CDKL5: variants seen among roughly 807,000 people sequenced by gnomAD.
The protein encoded by CDKL5 is cyclin dependent kinase like 5.
CDKL5 carries 8 observed loss-of-function variants against 61.7 expected under a neutral mutation model. That is an observed-to-expected ratio of 0.13 (90% CI 0.08 to 0.23). The LOEUF is 0.23. CDKL5 is among the 10% of genes least tolerant of loss of function. The pLI, the probability that CDKL5 is intolerant of heterozygous loss-of-function variation, is 1.00. For missense variants in CDKL5, 440 were observed against 734.5 expected, an observed-to-expected ratio of 0.60 and a Z score of 4.63; for synonymous variants, 275 against 272.3, an observed-to-expected ratio of 1.01 and a Z score of -0.10.
intron 4 of CDKL5, among the ~76,000 whole-genome samples, chrX:18,565,260 T>C (rs779218390): frequency 3.6e-5 from 4 of 112,048 alleles, no homozygotes; most frequent in Non-Finnish European, 7.5e-5. Context: ...TTTCAGACTT[T>C]TTGGACTGAG....
At position 18,634,655 on chromosome X, in the gene CDKL5, G is replaced by A. The variant is rs555299036; in HGVS notation, c.*5898G>A. The A allele has an allele frequency of 1.3e-6, 1 of 751,500 alleles. No individual in the cohort carries two copies. The highest frequency in any genetic ancestry group is 2.3e-5 in the African/African-American group (1 of 42,886). The allele number at this position is 751,500 out of a possible 1,213,427, so 61.9% of individuals were successfully genotyped here. ...TTTCCCTCCCCTTGTTTACTCTTTG[G>A]TCACCGATCGAGTCAGGCTAGAGGG... is the stretch of plus-strand genomic sequence containing the variant. On this transcript the variant is annotated 3_prime_UTR_variant, in exon 18 of 18. Coordinates refer to ENST00000623535, the MANE Select transcript of CDKL5 (RefSeq NM_001323289.2).
intron 6 of CDKL5, among the ~76,000 whole-genome samples, chrX:18,580,378 A>G (rs1925439800): frequency 9.0e-6 from 1 of 111,584 alleles, no homozygotes; most frequent in Admixed American, 9.6e-5. Context: ...CAGGCTTTAT[A>G]TAGGTGGTTC....
intron 1 of CDKL5, among the ~76,000 whole-genome samples, chrX:18,487,492 C>A (rs1053474283): frequency 1.8e-5 from 2 of 112,768 alleles, no homozygotes; most frequent in Non-Finnish European, 3.8e-5. Flanking sequence ...AGAGACAAAG[C>A]CTCGCTGTGT....
At chrX:18,439,520 A>G (rs763303917) in intron 1 of CDKL5, among the ~76,000 whole-genome samples, 6 of 110,994 alleles carry the variant, frequency 5.4e-5, no homozygotes, top group Non-Finnish European at 9.4e-5. Context: ...CAAGTCACAC[A>G]AATTTTGTGG....
intron 3 of CDKL5, chrX:18,535,533 C>A (rs1381837515): frequency 8.9e-6 from 1 of 112,280 alleles, no homozygotes; most frequent in Non-Finnish European, 1.9e-5. Flanking sequence ...GAACGTGTAC[C>A]ATTGGTGTCA....
intron 1 of CDKL5, among the ~76,000 whole-genome samples, chrX:18,446,920 A>G (rs1215917443): frequency 8.9e-6 from 1 of 111,739 alleles, no homozygotes; most frequent in Admixed American, 9.6e-5. Flanking sequence ...AGGGGATGAG[A>G]TGCTTCTTCT....
intron 3 of CDKL5, among the ~76,000 whole-genome samples, chrX:18,550,205 A>G (rs1924338616): frequency 1.8e-5 from 2 of 111,767 alleles, no homozygotes; most frequent in African/African-American, 6.5e-5. Context: ...CCAAGAGAGC[A>G]CACCTGAGTC....
chrX:18,504,864 C>T (rs1922517816), intron 1 of CDKL5, among the ~76,000 whole-genome samples: 2 of 104,038 alleles, frequency 1.9e-5, no homozygotes, highest in Non-Finnish European at 3.9e-5. Flanking sequence ...ACCCGGGAGG[C>T]GGAGCTTGCA....
chrX:18,620,006 C>T (rs1346658856), intron 16 of CDKL5, 40 bp downstream of exon 16: 1 of 830,537 alleles, frequency 1.2e-6, no homozygotes, highest in Non-Finnish European at 1.8e-6. Flanking sequence ...TAACATGTTT[C>T]TGCATTATTC....
intron 3 of CDKL5, among the ~76,000 whole-genome samples, chrX:18,555,612 T>C (rs1054293526): frequency 2.7e-5 from 3 of 112,354 alleles, no homozygotes; most frequent in African/African-American, 9.7e-5. Context: ...TACATTTTTT[T>C]CTGTATATTT....
intron 3 of CDKL5, among the ~76,000 whole-genome samples, chrX:18,512,209 T>C (rs1313611345): frequency 8.9e-6 from 1 of 111,794 alleles, no homozygotes; most frequent in Non-Finnish European, 1.9e-5. Context: ...CTAGTCTGAG[T>C]ATTTGGCTTC....
chrX:18,525,523 T>C lies in CDKL5; in HGVS notation c.99+14669T>C, dbSNP rs767152239. Among the ~76,000 whole-genome samples, 163 of 111,574 alleles carry C rather than the reference T, an allele frequency of 1.5e-3. 2 individuals are homozygous for C. The highest frequency in any genetic ancestry group is 5.0e-3 in the African/African-American group (155 of 30,718). On this transcript the variant is annotated intron_variant, in intron 3 of 17. Transcript: ENST00000623535. ...TCTATTTTTCACCAATACCATATTG[T>C]CTTGATTACTGTAGTTTTGTGTTAT...
chrX:18,609,648 C>T, intron 14 of CDKL5, 78 bp downstream of exon 14: 1 of 1,179,337 alleles, frequency 8.5e-7, no homozygotes, highest in Non-Finnish European at 1.1e-6. Flanking sequence ...TTCACCGACT[C>T]AGGCCAGCGG....
intron 1 of CDKL5, among the ~76,000 whole-genome samples, chrX:18,441,864 G>A (rs1262199547): frequency 9.0e-6 from 1 of 110,731 alleles, no homozygotes; most frequent in Non-Finnish European, 1.9e-5. Flanking sequence ...TTGCTTGGAG[G>A]TGGGGAGGGG....
In CDKL5 at chrX:18,461,141, G is replaced by A. The variant is rs779538511; in HGVS notation, c.-163+35446G>A. On this transcript the variant is annotated intron_variant, in intron 1 of 17. Transcript: ENST00000623535. ...GTATCTAGTTAGATTCCTGTTTTTT[G>A]GCTAATTCAAATAAAACTATGAATG... Among the ~76,000 whole-genome samples, 6 of 111,528 alleles carry A rather than the reference G, an allele frequency of 5.4e-5. No homozygotes were observed. The South Asian group carries it at 2.2e-3, about 41-fold the overall frequency.
chrX:18,512,365 G>A (rs1922858604), intron 3 of CDKL5, among the ~76,000 whole-genome samples: 1 of 111,464 alleles, frequency 9.0e-6, no homozygotes. Context: ...TAATGTATGT[G>A]TGTGTATGTA....
chrX:18,427,428 A>C (rs1326801345), intron 1 of CDKL5, among the ~76,000 whole-genome samples: 1 of 109,661 alleles, frequency 9.1e-6, no homozygotes, highest in Non-Finnish European at 1.9e-5. Flanking sequence ...AAGGAAACCT[A>C]ATTAGGGAAA....
At chrX:18,434,461 T>G (rs1189722262) in intron 1 of CDKL5, among the ~76,000 whole-genome samples, 1 of 111,700 alleles carries the variant, frequency 9.0e-6, no homozygotes, top group East Asian at 2.8e-4. Context: ...CAATCGTAAC[T>G]GGTTTGAAAT....
intron 1 of CDKL5, among the ~76,000 whole-genome samples, chrX:18,460,498 A>G (rs1307446366): frequency 9.1e-6 from 1 of 110,394 alleles, no homozygotes; most frequent in African/African-American, 3.3e-5. Flanking sequence ...TTATTTATTT[A>G]TTATTTATTT....
Sources: allele counts gnomAD v4.1 joint callset (sites outside exome capture counted in the v4.1 genomes callset), GRCh38; gene constraint gnomAD v4.1.1; transcripts MANE v1.5; gene names NCBI Gene and HGNC (gene_info 2026-07-23, HGNC 2026-07-21).